Variants in CAPN8 observed in about 807,000 individuals in gnomAD.
CAPN8 encodes the protein calpain 8, also known as calpain-8.
Under a neutral mutation model 80.9 loss-of-function variants are expected in CAPN8, and 87 were observed. The ratio of observed to expected loss-of-function variants is 1.07; its 90% confidence interval spans 0.90 to 1.28. The LOEUF is 1.28. CAPN8 is among the 50% of genes most tolerant of loss of function. The pLI is 0.00. For synonymous variants in CAPN8, 299 were observed against 273.8 expected (o/e 1.09, Z -0.91); for missense variants, 757 against 702.0 (o/e 1.08, Z -0.89).
At chr1:223,664,775 A>G (rs1307506325) in intron 1 of CAPN8, among the ~76,000 whole-genome samples, 1 of 152,176 alleles carries the variant, frequency 6.6e-6, no homozygotes, top group African/African-American at 2.4e-5. Flanking sequence ...CTGTCTCTAC[A>G]AAAATATGTA....
Position 223,544,201 on chromosome 1 carries a change from C to G in CAPN8, c.1913-18G>C. On this transcript the variant is annotated intron_variant, in intron 18 of 20. Coordinates refer to ENST00000366872, the MANE Select transcript of CAPN8 (RefSeq NM_001143962.2). ...GGTGAAACCTGAGGGCAGAGGGAGC[C>G]TGGGTCACAGGTAGAGTGGAGGACT... is the stretch of plus-strand genomic sequence containing the variant. 1.4e-6 allele frequency: 1 copy of G among 717,132 alleles called. No individual in the cohort carries two copies. Among genetic ancestry groups the G allele is most frequent in the Non-Finnish European group, 2.6e-6 (1 of 385,010 alleles). 44.4% of individuals were successfully genotyped at this position (717,132 alleles called of 1,614,324 possible).
intron 1 of CAPN8, among the ~76,000 whole-genome samples, chr1:223,664,929 G>A (rs7556396): frequency 0.51 from 77,574 of 151,804 alleles, 20,087 homozygotes; most frequent in Non-Finnish European, 0.56. Context: ...GACAGAGTGA[G>A]ACTCTGCCTC....
At position 223,622,822 on chromosome 1, in the gene CAPN8, T is replaced by TCCAGGCTCC; in HGVS notation, c.883_891dup (p.Gly295_Trp297dup). 3.2e-6 allele frequency: 5 copies of TCCAGGCTCC among 1,551,604 alleles called. No individual in the cohort carries two copies. Among genetic ancestry groups the TCCAGGCTCC allele is most frequent in the Non-Finnish European group, 4.4e-6 (5 of 1,146,904 alleles). ...CGGGGGAAAAAAACCTACTCATCGC[T>TCCAGGCTCC]CCAGGCTCCCGACCACTCCACTTCA... On this transcript the variant is annotated inframe_insertion, in exon 7 of 21. Coordinates refer to ENST00000366872, the MANE Select transcript of CAPN8 (RefSeq NM_001143962.2).
At chr1:223,651,107 G>A (rs138096871) in intron 2 of CAPN8, among the ~76,000 whole-genome samples, 3,796 of 152,182 alleles carry the variant, frequency 0.025, 73 homozygotes, top group Middle Eastern at 0.044. Flanking sequence ...TTCCACTCCA[G>A]TAGGACACTG....
intron 2 of CAPN8, among the ~76,000 whole-genome samples, chr1:223,634,121 G>A (rs185643533): frequency 3.9e-5 from 6 of 152,286 alleles, no homozygotes; most frequent in Admixed American, 6.5e-5. Flanking sequence ...GAGAGACAAC[G>A]GAAGTGCCCC....
intron 1 of CAPN8, among the ~76,000 whole-genome samples, chr1:223,655,538 G>A (rs566357877): frequency 1.3e-5 from 2 of 152,342 alleles, no homozygotes; most frequent in African/African-American, 4.8e-5. Context: ...AAACCACGTA[G>A]TTCTTGGCCT....
chr1:223,555,808 C>G (rs1656893445), intron 13 of CAPN8, among the ~76,000 whole-genome samples: 2 of 152,136 alleles, frequency 1.3e-5, no homozygotes. Flanking sequence ...AAAACGTGTA[C>G]GTGGTTGCAA....
chr1:223,640,368 T>C (rs1954502), intron 2 of CAPN8, among the ~76,000 whole-genome samples: 57,514 of 152,076 alleles, frequency 0.38, 12,275 homozygotes, highest in Non-Finnish European at 0.49. Flanking sequence ...AACAAATGTT[T>C]ATTGAGCGTC....
At chr1:223,661,165 TAAA>T (rs60908710) in intron 1 of CAPN8, among the ~76,000 whole-genome samples, 26 of 136,092 alleles carry the variant, frequency 1.9e-4, no homozygotes, top group Admixed American at 3.6e-4. Context: ...GACCCTGTCT[TAAA>T]AAAAAAAAAA....
chr1:223,552,646 G>T (rs1307317893), intron 14 of CAPN8, among the ~76,000 whole-genome samples: 2 of 149,586 alleles, frequency 1.3e-5, no homozygotes, highest in East Asian at 4.0e-4. Flanking sequence ...TGCCAGGAAA[G>T]AAATGGGATG....
At position 223,544,806 on chromosome 1, in the gene CAPN8, A is replaced by G. The variant is rs769160650; in HGVS notation, c.1878T>C (p.Asp626=). 5.2e-6 allele frequency: 8 copies of G among 1,551,714 alleles called. No homozygotes were observed. The South Asian group carries it at 8.3e-5, about 16-fold the overall frequency. The change falls in exon 18 of 21, where the codon GAT becomes GAC. Residue 626 remains aspartate (D), a synonymous_variant. Coordinates refer to ENST00000366872, the MANE Select transcript of CAPN8 (RefSeq NM_001143962.2). ...TGAGGGCTGTCCTCATCTCGTGGGCATCGATGGTGCCCGAGTGGTTATAAT... is the reference window on the plus strand; with the variant it reads ...TGAGGGCTGTCCTCATCTCGTGGGCGTCGATGGTGCCCGAGTGGTTATAAT... ...ETDYNHSGTI[D]AHEMRTALRK...
At chr1:223,556,299 T>C (rs1382557035) in intron 13 of CAPN8, among the ~76,000 whole-genome samples, 1 of 152,142 alleles carries the variant, frequency 6.6e-6, no homozygotes, top group African/African-American at 2.4e-5. Flanking sequence ...CTGTGTATTC[T>C]GGGGTGTGTG....
In CAPN8 at chr1:223,622,855, G is replaced by C; in HGVS notation, c.859C>G (p.Pro287Ala). 2 of 1,551,724 alleles carry C rather than the reference G, an allele frequency of 1.3e-6. No individual in the cohort carries two copies. Among genetic ancestry groups the C allele is most frequent in the East Asian group, 2.4e-5 (1 of 40,922 alleles). ...HPEKLIRLRN[P>A]WGEVEWSGAW... ...CCCGACCACTCCACTTCACCCCATG[G>C]ATTCCTGAGTCTGATCAGCTTCTCT... Residue 287 changes from proline (P) to alanine (A), a missense_variant, in exon 7 of 21, where the codon CCA becomes GCA. Coordinates refer to ENST00000366872, the MANE Select transcript of CAPN8 (RefSeq NM_001143962.2).
At chr1:223,647,303 C>T (rs554575021) in intron 2 of CAPN8, among the ~76,000 whole-genome samples, 1 of 152,154 alleles carries the variant, frequency 6.6e-6, no homozygotes, top group South Asian at 2.1e-4. Flanking sequence ...GGAATTGAGT[C>T]GCCCAAAAAC....
At chr1:223,542,965 T>C (rs1656509094) in intron 20 of CAPN8, 143 bp downstream of exon 20, 6 of 797,902 alleles carry the variant, frequency 7.5e-6, no homozygotes, top group Non-Finnish European at 1.2e-5. Flanking sequence ...CCTTCCTCCC[T>C]GCTGGGTGCC....
intron 6 of CAPN8, among the ~76,000 whole-genome samples, chr1:223,624,952 G>A (rs1454003153): frequency 1.3e-5 from 2 of 152,018 alleles, no homozygotes; most frequent in Non-Finnish European, 2.9e-5. Flanking sequence ...AATTAGCTGG[G>A]CGTGGTGGCG....
intron 6 of CAPN8, among the ~76,000 whole-genome samples, chr1:223,624,823 G>A (rs566097924): frequency 7.2e-5 from 11 of 152,236 alleles, no homozygotes; most frequent in East Asian, 5.8e-4. Context: ...GGCCGGGTGC[G>A]GTGGCTCACA....
chr1:223,658,874 A>G (rs921743380), intron 1 of CAPN8, among the ~76,000 whole-genome samples: 2 of 152,158 alleles, frequency 1.3e-5, no homozygotes, highest in Admixed American at 6.5e-5. Flanking sequence ...ATGCCCAAAG[A>G]ACTTACCCCA....
At chr1:223,556,434 T>C (rs1656907376) in intron 13 of CAPN8, among the ~76,000 whole-genome samples, 3 of 152,302 alleles carry the variant, frequency 2.0e-5, no homozygotes, top group South Asian at 2.1e-4. Flanking sequence ...AATGGCTCCA[T>C]AGCCATGTCC....
Sources: gnomAD v4.1 joint callset for allele counts (sites outside exome capture counted in the v4.1 genomes callset) on GRCh38, gnomAD v4.1.1 for gene constraint, MANE v1.5 for transcripts, NCBI Gene and HGNC (gene_info 2026-07-23, HGNC 2026-07-21) for gene names.